The following ANO2 variants were observed in gnomAD, a reference collection of about 807,000 sequenced individuals.
The protein encoded by ANO2 is anoctamin 2.
Under a neutral mutation model 124.2 loss-of-function variants are expected in ANO2, and 101 were observed. The observed-to-expected ratio is 0.81, with a 90% CI of 0.69 to 0.96. The LOEUF is 0.96. Among genes scored for constraint, ANO2 ranks in the 40% least tolerant of loss-of-function variants. The probability of loss-of-function intolerance (pLI) is 0.00; values close to 1 mark genes in which losing one functional copy is unlikely to be tolerated. For missense variants in ANO2, 1,293 were observed against 1,274.5 expected, an observed-to-expected ratio of 1.01 and a Z score of -0.22; for synonymous variants, 486 against 482.5, an observed-to-expected ratio of 1.01 and a Z score of -0.09.
intron 4 of ANO2, among the ~76,000 whole-genome samples, chr12:5,848,380 A>C (rs1390385120): frequency 6.9e-6 from 1 of 145,182 alleles, no homozygotes. Context: ...CAGTTACATG[A>C]TTCTTTTTAT....
chr12:5,868,274 G>A (rs1435431785), intron 3 of ANO2, among the ~76,000 whole-genome samples: 1 of 152,074 alleles, frequency 6.6e-6, no homozygotes, highest in African/African-American at 2.4e-5. Flanking sequence ...GGAGGCCAGG[G>A]GATGAAGGTC....
intron 4 of ANO2, among the ~76,000 whole-genome samples, chr12:5,833,452 C>A (rs569424073): frequency 6.6e-6 from 1 of 152,148 alleles, no homozygotes; most frequent in African/African-American, 2.4e-5. Context: ...TCTGTTCCCA[C>A]CCCCCTTGAA....
At chr12:5,689,303 G>A (rs546481116) in intron 14 of ANO2, among the ~76,000 whole-genome samples, 1 of 151,962 alleles carries the variant, frequency 6.6e-6, no homozygotes, top group Admixed American at 6.6e-5. Context: ...GAGATACGAG[G>A]AGTTAGAGAT....
chr12:5,795,917 A>C (rs1952830668), intron 10 of ANO2, among the ~76,000 whole-genome samples: 1 of 152,144 alleles, frequency 6.6e-6, no homozygotes, highest in Admixed American at 6.5e-5. Flanking sequence ...TCCAGCTGTG[A>C]GGACCCTCTT....
At chr12:5,732,890 C>T in intron 13 of ANO2, 1 of 1,613,876 alleles carries the variant, frequency 6.2e-7, no homozygotes, top group South Asian at 1.1e-5. Flanking sequence ...GGGGATAGCG[C>T]CGGTGTTGAG....
intron 3 of ANO2, among the ~76,000 whole-genome samples, chr12:5,896,666 A>C (rs1046813021): frequency 6.6e-6 from 1 of 152,210 alleles, no homozygotes; most frequent in African/African-American, 2.4e-5. Context: ...ATTTACAGAA[A>C]TAATTTTGAT....
intron 1 of ANO2, among the ~76,000 whole-genome samples, chr12:5,938,891 A>G (rs1253719431): frequency 2.0e-5 from 3 of 151,820 alleles, no homozygotes; most frequent in Non-Finnish European, 4.4e-5. Flanking sequence ...AGGCCACAGG[A>G]GCACCTGTAA....
intron 4 of ANO2, among the ~76,000 whole-genome samples, chr12:5,849,770 G>A (rs1346939468): frequency 6.6e-6 from 1 of 152,004 alleles, no homozygotes; most frequent in African/African-American, 2.4e-5. Flanking sequence ...AACCTCCACT[G>A]CCTGGAGGAT....
intron 10 of ANO2, among the ~76,000 whole-genome samples, chr12:5,764,421 C>T (rs1951821532): frequency 6.6e-6 from 1 of 152,144 alleles, no homozygotes. Context: ...ATGCTATTAT[C>T]CTTAAATTAC....
intron 3 of ANO2, among the ~76,000 whole-genome samples, chr12:5,920,493 C>T (rs557254530): frequency 2.6e-5 from 4 of 152,268 alleles, no homozygotes; most frequent in African/African-American, 9.6e-5. Context: ...CACCACCACC[C>T]CACCACTACT....
intron 4 of ANO2, among the ~76,000 whole-genome samples, chr12:5,847,577 CA>C (rs1194827667): frequency 6.6e-6 from 1 of 152,064 alleles, no homozygotes; most frequent in Non-Finnish European, 1.5e-5. Context: ...TAGAGTCCCT[CA>C]GGCCGGGCGA....
At chr12:5,597,219 T>C (rs1250854364) in intron 20 of ANO2, among the ~76,000 whole-genome samples, 1 of 152,156 alleles carries the variant, frequency 6.6e-6, no homozygotes, top group Non-Finnish European at 1.5e-5. Context: ...TAGTACCCAT[T>C]AGTTCTTTTT....
chr12:5,836,389 TA>T (rs1291721977), intron 4 of ANO2, among the ~76,000 whole-genome samples: 1 of 152,220 alleles, frequency 6.6e-6, no homozygotes, highest in Non-Finnish European at 1.5e-5. Context: ...TTGGGACATA[TA>T]CTAACAAAGT....
At chr12:5,923,208 ACCCACATACACACACACATG>A (rs1941890933) in intron 1 of ANO2, among the ~76,000 whole-genome samples, 2 of 147,092 alleles carry the variant, frequency 1.4e-5, no homozygotes, top group Non-Finnish European at 3.0e-5. Flanking sequence ...ACGCACACAC[ACCCACATACACACACACATG>A]CACACATACA....
chr12:5,669,712 G>C (rs1487241457), intron 14 of ANO2, among the ~76,000 whole-genome samples: 1 of 152,132 alleles, frequency 6.6e-6, no homozygotes, highest in Non-Finnish European at 1.5e-5. Context: ...TCTTAATGAA[G>C]ACAGAAGCTA....
In ANO2 at chr12:5,587,080, C is replaced by CGG. The variant is rs1004981464; in HGVS notation, c.2234-8563_2234-8562insCC. Among the ~76,000 whole-genome samples the CGG allele has an allele frequency of 2.0e-5, 3 of 152,336 alleles. No homozygotes were observed. In the East Asian group the frequency reaches 5.8e-4, roughly 29 times the overall value. ...GAGTCCAACTGACAGCCCGTCCCCA[C>CGG]ACCCAGCCGGCCCAAAAGGTCCTCA... On this transcript the variant is annotated intron_variant, in intron 20 of 24. Transcript: ENST00000682330.
At chr12:5,742,398 A>G (rs1951124715) in intron 12 of ANO2, among the ~76,000 whole-genome samples, 1 of 151,794 alleles carries the variant, frequency 6.6e-6, no homozygotes, top group East Asian at 1.9e-4. Context: ...ATCCTACCCT[A>G]TGCCAGGAAG....
chr12:5,733,266 T>TG lies in ANO2; in HGVS notation c.1435-637dup, dbSNP rs1950717920. The TG allele has an allele frequency of 1.6e-5, 5 of 317,280 alleles. No homozygotes were observed. In the Admixed American group the frequency reaches 2.0e-4, roughly 13 times the overall value. 19.7% of individuals were successfully genotyped at this position (317,280 alleles called of 1,614,324 possible). The stretch of plus-strand genomic sequence containing the variant: ...AACAGCAATGCTCAAGAGACCTCAC[T>TG]GGGCCATTCAGCAACACAAACCTGA... On this transcript the variant is annotated intron_variant, in intron 13 of 24. Coordinates refer to ENST00000682330, the MANE Select transcript of ANO2 (RefSeq NM_001364791.2).
rs564913281 is a variant in ANO2 at position 5,563,246 on chromosome 12, G to A, written c.*53C>T. Reference sequence around the variant, plus strand: ...CATGTGGGTGTAGGAACATGCTTACGTGCATGTGCGTGTCTCTGCTGCCGT... The same window carrying A: ...CATGTGGGTGTAGGAACATGCTTACATGCATGTGCGTGTCTCTGCTGCCGT... On this transcript the variant is annotated 3_prime_UTR_variant, in exon 25 of 25. Coordinates refer to ENST00000682330, the MANE Select transcript of ANO2 (RefSeq NM_001364791.2). 3.2e-4 allele frequency: 490 copies of A among 1,546,380 alleles called. 4 individuals carry two copies. The highest frequency in any genetic ancestry group is 1.5e-3 in the South Asian group (124 of 83,544).
Sources: allele counts gnomAD v4.1 joint callset (sites outside exome capture counted in the v4.1 genomes callset), GRCh38; gene constraint gnomAD v4.1.1; transcripts MANE v1.5; gene names NCBI Gene and HGNC (gene_info 2026-07-23, HGNC 2026-07-21).